PTPRG: variants seen among roughly 807,000 people sequenced by gnomAD.
PTPRG encodes the protein protein tyrosine phosphatase receptor type G.
PTPRG carries 102 observed loss-of-function variants against 165.3 expected under a neutral mutation model. The observed-to-expected ratio is 0.62, with a 90% CI of 0.53 to 0.73. PTPRG has a LOEUF of 0.73. Among genes scored for constraint, PTPRG ranks in the 30% least tolerant of loss-of-function variants. The probability of loss-of-function intolerance (pLI) is 0.00; values close to 1 mark genes in which losing one functional copy is unlikely to be tolerated. For synonymous variants in PTPRG, 675 were observed against 669.5 expected (o/e 1.01, Z -0.13); for missense variants, 1,866 against 1,861.4 (o/e 1.00, Z -0.05).
At chr3:61,652,930 C>T (rs887924645) in intron 1 of PTPRG, among the ~76,000 whole-genome samples, 23 of 152,330 alleles carry the variant, frequency 1.5e-4, no homozygotes, top group African/African-American at 5.5e-4. Flanking sequence ...TGTTTGGCAG[C>T]TGCAGAATCT....
intron 1 of PTPRG, among the ~76,000 whole-genome samples, chr3:61,664,450 C>G (rs975614601): frequency 2.0e-5 from 3 of 152,152 alleles, no homozygotes; most frequent in African/African-American, 7.2e-5. Context: ...GTAAAGTAAC[C>G]TAGTATAAAT....
chr3:61,661,597 A>G (rs1035746386), intron 1 of PTPRG, among the ~76,000 whole-genome samples: 9 of 152,332 alleles, frequency 5.9e-5, no homozygotes, highest in African/African-American at 2.2e-4. Flanking sequence ...AAATTAAAGA[A>G]CAAGTTTATT....
chr3:62,158,747 C>T (rs950369083), intron 7 of PTPRG, among the ~76,000 whole-genome samples: 2 of 152,116 alleles, frequency 1.3e-5, no homozygotes, highest in African/African-American at 4.8e-5. Context: ...TTTATTTGGC[C>T]TCACTGCTGT....
intron 2 of PTPRG, among the ~76,000 whole-genome samples, chr3:61,759,882 T>C (rs1443846468): frequency 1.3e-5 from 2 of 152,110 alleles, no homozygotes; most frequent in Admixed American, 6.6e-5. Flanking sequence ...CATACCTCTT[T>C]TTATCAAGAA....
At chr3:61,750,341 A>G (rs1559590927) in intron 2 of PTPRG, 1 of 152,354 alleles carries the variant, frequency 6.6e-6, no homozygotes. Context: ...GCTGTTAGTC[A>G]GGAAATTGGA....
chr3:61,737,471 G>A (rs1575620471), intron 1 of PTPRG, among the ~76,000 whole-genome samples: 1 of 152,128 alleles, frequency 6.6e-6, no homozygotes, highest in East Asian at 1.9e-4. Flanking sequence ...GGAGTTAGGA[G>A]CTACTTAAGC....
rs185292464 is a variant in PTPRG, at chr3:61,597,997, T to C, written c.85+35625T>C. ...ACCAACCAAGATACGGCTTTGAAAC[T>C]GAGGGGCACTGGCTATGGGAAGGAA... On this transcript the variant is annotated intron_variant, in intron 1 of 29. Coordinates refer to ENST00000474889, the MANE Select transcript of PTPRG (RefSeq NM_002841.4). Among the ~76,000 whole-genome samples the C allele has an allele frequency of 9.8e-4, 150 of 152,288 alleles. 1 individual carries two copies. Among genetic ancestry groups the C allele is most frequent in the African/African-American group, 3.3e-3 (139 of 41,566 alleles).
At chr3:62,067,849 C>T (rs1004177553) in intron 4 of PTPRG, among the ~76,000 whole-genome samples, 2 of 152,166 alleles carry the variant, frequency 1.3e-5, no homozygotes, top group Non-Finnish European at 2.9e-5. Flanking sequence ...ATGCCTATCA[C>T]CCCCTCAAAG....
chr3:62,281,921 T>G (rs889167279), intron 27 of PTPRG, among the ~76,000 whole-genome samples: 3 of 152,042 alleles, frequency 2.0e-5, no homozygotes, highest in African/African-American at 7.2e-5. Context: ...TGATTCAGCA[T>G]GCATACAAAT....
At chr3:61,630,118 G>A (rs998701732) in intron 1 of PTPRG, among the ~76,000 whole-genome samples, 5 of 152,160 alleles carry the variant, frequency 3.3e-5, no homozygotes, top group African/African-American at 1.2e-4. Flanking sequence ...GCTAGGAATT[G>A]GTTGATTGGA....
intron 1 of PTPRG, chr3:61,742,978 TG>T: frequency 6.6e-7 from 1 of 1,515,222 alleles, no homozygotes; most frequent in Non-Finnish European, 9.2e-7. Flanking sequence ...CTTGTCCTTC[TG>T]GGGGTCATAG....
chr3:61,956,207 A>G (rs1362292092), intron 2 of PTPRG, among the ~76,000 whole-genome samples: 1 of 152,100 alleles, frequency 6.6e-6, no homozygotes, highest in East Asian at 1.9e-4. Context: ...TTTAATTTTC[A>G]TTCCGTTAAT....
At chr3:62,095,073 G>A (rs149873278) in intron 5 of PTPRG, among the ~76,000 whole-genome samples, 36 of 152,332 alleles carry the variant, frequency 2.4e-4, no homozygotes, top group African/African-American at 7.2e-4. Context: ...AGGCAAACAT[G>A]TAAAATCAGC....
rs1701484571 is a variant in PTPRG, at chr3:62,254,270, AG to A, written c.2468-853del. Among the ~76,000 whole-genome samples, 1 of 152,220 alleles carries A rather than the reference AG, an allele frequency of 6.6e-6. No homozygotes were observed. Among genetic ancestry groups the A allele is most frequent in the African/African-American group, 2.4e-5 (1 of 41,458 alleles). On this transcript the variant is annotated intron_variant, in intron 15 of 29. Transcript: ENST00000474889. This position sits in a 1 kb window ranked among gnomAD's most constrained non-coding sequence, Gnocchi z 4.6. ...CTGTTGTTTATCTCAAATTCAGCAG[AG>A]TATTTTTAAAAGGAAATATTTGTGG...
chr3:62,061,075 C>T (rs1309440188), intron 4 of PTPRG, among the ~76,000 whole-genome samples: 1 of 152,192 alleles, frequency 6.6e-6, no homozygotes, highest in Non-Finnish European at 1.5e-5. Flanking sequence ...TCCCTTGTAA[C>T]ATTTGTGACA....
At chr3:62,259,798 A>C (rs1701638550) in intron 16 of PTPRG, among the ~76,000 whole-genome samples, 1 of 152,196 alleles carries the variant, frequency 6.6e-6, no homozygotes, top group Non-Finnish European at 1.5e-5. Flanking sequence ...GGATTTGGAT[A>C]CAGGAAGAGA....
intron 1 of PTPRG, among the ~76,000 whole-genome samples, chr3:61,666,528 G>C (rs182341506): frequency 6.6e-6 from 1 of 152,190 alleles, no homozygotes; most frequent in Admixed American, 6.5e-5. Context: ...TCTAGCAATG[G>C]AAGAAAGGAA....
At chr3:62,235,345 T>C (rs1382956659) in intron 14 of PTPRG, among the ~76,000 whole-genome samples, 1 of 152,198 alleles carries the variant, frequency 6.6e-6, no homozygotes, top group Non-Finnish European at 1.5e-5. Context: ...TTAAAGCCCC[T>C]GACTTCAAGC....
intron 3 of PTPRG, among the ~76,000 whole-genome samples, chr3:61,997,462 C>T (rs1214407339): frequency 6.6e-6 from 1 of 152,150 alleles, no homozygotes; most frequent in African/African-American, 2.4e-5. Context: ...CCTTGGCTTT[C>T]TCTTACTCGT....
Sources: allele counts gnomAD v4.1 joint callset (sites outside exome capture counted in the v4.1 genomes callset), GRCh38; gene constraint gnomAD v4.1.1; non-coding constraint Gnocchi (gnomAD v3.1); transcripts MANE v1.5; gene names NCBI Gene and HGNC (gene_info 2026-07-23, HGNC 2026-07-21).